The following BBX variants were observed in gnomAD, a reference collection of about 807,000 sequenced individuals.
BBX encodes the protein BBX high mobility group box domain containing.
Under a neutral mutation model 100.2 loss-of-function variants are expected in BBX, and 30 were observed. The ratio of observed to expected loss-of-function variants is 0.30; its 90% CI spans 0.22 to 0.41. BBX has a LOEUF of 0.41. Ranked by LOEUF, BBX falls within the 10% of genes least tolerant of loss-of-function variation. The pLI is 1.00. For synonymous variants in BBX, 376 were observed against 388.1 expected (o/e 0.97, Z 0.37); for missense variants, 1,023 against 1,129.8 (o/e 0.91, Z 1.35).
intron 6 of BBX, 122 bp from the exon 7 acceptor site, chr3:107,732,834 A>G (rs1576550254): frequency 1.3e-6 from 1 of 783,186 alleles, no homozygotes; most frequent in Non-Finnish European, 2.0e-6. Flanking sequence ...AAGTTTTTAT[A>G]AAAAGTTATA....
intron 2 of BBX, among the ~76,000 whole-genome samples, chr3:107,642,573 TAC>T (rs1186177749): frequency 3.3e-5 from 5 of 152,194 alleles, no homozygotes; most frequent in Non-Finnish European, 5.9e-5. Context: ...AAATTAGAAA[TAC>T]AGTCTCTTTG....
intron 3 of BBX, among the ~76,000 whole-genome samples, chr3:107,660,061 G>A (rs756357521): frequency 5.3e-5 from 8 of 152,094 alleles, no homozygotes; most frequent in African/African-American, 9.6e-5. Context: ...GCAATTAACC[G>A]TAAATTATGT....
intron 4 of BBX, among the ~76,000 whole-genome samples, chr3:107,712,829 C>T (rs2061818439): frequency 6.6e-6 from 1 of 152,202 alleles, no homozygotes; most frequent in South Asian, 2.1e-4. Flanking sequence ...GTGCTCACAG[C>T]ACCTAGAAGA....
intron 12 of BBX, among the ~76,000 whole-genome samples, chr3:107,776,531 G>T (rs768690788): frequency 6.6e-6 from 1 of 152,032 alleles, no homozygotes; most frequent in Non-Finnish European, 1.5e-5. Context: ...TTTAGAACAC[G>T]CCAGTATAAT....
chr3:107,661,878 G>A, intron 3 of BBX: 1 of 985,380 alleles, frequency 1.0e-6, no homozygotes, highest in Non-Finnish European at 1.2e-6. Context: ...ATCATCTCCA[G>A]CATGTTATAG....
chr3:107,626,726 C>T (rs1255716819), intron 2 of BBX, among the ~76,000 whole-genome samples: 1 of 149,908 alleles, frequency 6.7e-6, no homozygotes, highest in Non-Finnish European at 1.5e-5. Context: ...ATGTTCTCAG[C>T]TCACTGCAAC....
intron 2 of BBX, among the ~76,000 whole-genome samples, chr3:107,571,632 A>T (rs1404633934): frequency 6.6e-6 from 1 of 152,184 alleles, no homozygotes; most frequent in African/African-American, 2.4e-5. Flanking sequence ...TCATAGGTGG[A>T]TCTCCCCACA....
intron 10 of BBX, among the ~76,000 whole-genome samples, chr3:107,764,931 A>G (rs1162328740): frequency 6.6e-6 from 1 of 152,232 alleles, no homozygotes; most frequent in Non-Finnish European, 1.5e-5. Context: ...TGCATCCAAA[A>G]GTAGATGTAA....
At chr3:107,776,162 G>A (rs1169124527) in intron 12 of BBX, 2 of 152,148 alleles carry the variant, frequency 1.3e-5, no homozygotes, top group East Asian at 1.9e-4. Context: ...ACTGAGAGAG[G>A]AGCAGGTGTT....
At chr3:107,541,209 G>C (rs565193381) in intron 2 of BBX, among the ~76,000 whole-genome samples, 1 of 152,308 alleles carries the variant, frequency 6.6e-6, no homozygotes, top group Non-Finnish European at 1.5e-5. Context: ...AAGTTGTTAA[G>C]TGTCTTGACC....
At chr3:107,699,046 T>C (rs1246831097) in intron 3 of BBX, among the ~76,000 whole-genome samples, 1 of 151,708 alleles carries the variant, frequency 6.6e-6, no homozygotes. Context: ...TTGCCTGCAG[T>C]GCGCCCGGCT....
At chr3:107,791,359 A>G (rs2069007744) in intron 15 of BBX, 60 bp downstream of exon 15, 1 of 1,296,328 alleles carries the variant, frequency 7.7e-7, no homozygotes, top group Non-Finnish European at 1.1e-6. Context: ...CATAAGTTGT[A>G]TAGGTTTTTA....
intron 2 of BBX, among the ~76,000 whole-genome samples, chr3:107,562,081 A>G (rs2050539981): frequency 1.3e-5 from 2 of 152,186 alleles, no homozygotes; most frequent in Non-Finnish European, 2.9e-5. Context: ...GCCATTTCCT[A>G]TTCACATTTC....
At chr3:107,548,581 A>T (rs143477203) in intron 2 of BBX, among the ~76,000 whole-genome samples, 6 of 152,322 alleles carry the variant, frequency 3.9e-5, no homozygotes, top group African/African-American at 1.4e-4. Flanking sequence ...AGCAGTTAGG[A>T]GATTTCTCAA....
intron 8 of BBX, among the ~76,000 whole-genome samples, chr3:107,746,444 A>C (rs979734709): frequency 2.0e-5 from 3 of 152,192 alleles, no homozygotes; most frequent in African/African-American, 2.4e-5. Flanking sequence ...AGATCTTACA[A>C]TGGATAAAAT....
intron 4 of BBX, among the ~76,000 whole-genome samples, chr3:107,715,438 G>A (rs6789151): frequency 3.9e-5 from 6 of 151,942 alleles, no homozygotes; most frequent in African/African-American, 1.5e-4. Context: ...CCAAAAATTC[G>A]AAACACTTCT....
chr3:107,728,569 A>G (rs1017844143), intron 5 of BBX, among the ~76,000 whole-genome samples, 196 bp from the exon 6 acceptor site: 7 of 152,168 alleles, frequency 4.6e-5, no homozygotes, highest in African/African-American at 1.7e-4. Flanking sequence ...CTTATCCCAC[A>G]AATGGATTAG....
intron 2 of BBX, among the ~76,000 whole-genome samples, chr3:107,562,597 CATT>C (rs1341722201): frequency 1.3e-5 from 2 of 151,936 alleles, no homozygotes; most frequent in South Asian, 2.1e-4. Flanking sequence ...TTTTAAGAAA[CATT>C]AATGATAAAA....
chr3:107,618,810 G>A (rs2055504127), intron 2 of BBX, among the ~76,000 whole-genome samples: 1 of 152,026 alleles, frequency 6.6e-6, no homozygotes, highest in Admixed American at 6.6e-5. Context: ...GTGTTTTATA[G>A]CATAACATGT....
Sources: gnomAD v4.1 joint callset for allele counts (sites outside exome capture counted in the v4.1 genomes callset) on GRCh38, gnomAD v4.1.1 for gene constraint, MANE v1.5 for transcripts, NCBI Gene and HGNC (gene_info 2026-07-23, HGNC 2026-07-21) for gene names.